GOLIM4: variants seen among roughly 807,000 people sequenced by gnomAD.
GOLIM4 encodes 130 kDa golgi-localized phosphoprotein.
GOLIM4 carries 71 observed loss-of-function variants against 107.4 expected under a neutral mutation model. That is an observed-to-expected ratio of 0.66 (90% confidence interval 0.55 to 0.81). The LOEUF is 0.81. Ranked by LOEUF, GOLIM4 falls within the 30% of genes least tolerant of loss-of-function variation. The pLI is 0.00. For missense variants in GOLIM4, 830 were observed against 826.1 expected (o/e 1.00, Z -0.06); for synonymous variants, 327 against 294.8 (o/e 1.11, Z -1.12).
Position 168,060,860 on chromosome 3 carries a change from G to A in GOLIM4, c.188-12495C>T, listed in dbSNP as rs147377633. On this transcript the variant is annotated intron_variant, in intron 1 of 15. Transcript: ENST00000470487. ...TGTTTAGCATAGGATTGATGGAAAGGTGGATAATAACAGCAGGGAAGAATG... is the reference window on the plus strand; with the variant it reads ...TGTTTAGCATAGGATTGATGGAAAGATGGATAATAACAGCAGGGAAGAATG... 1.3e-3 allele frequency among the ~76,000 whole-genome samples: 203 copies of A among 152,224 alleles called. 2 individuals are homozygous for A. The highest frequency in any genetic ancestry group is 4.8e-3 in the African/African-American group (200 of 41,528).
intron 1 of GOLIM4, among the ~76,000 whole-genome samples, chr3:168,065,764 G>A (rs1720515921): frequency 6.6e-6 from 1 of 152,196 alleles, no homozygotes; most frequent in South Asian, 2.1e-4. Flanking sequence ...GGACTCAGCA[G>A]AGCTCTGCAT....
intron 14 of GOLIM4, among the ~76,000 whole-genome samples, chr3:168,020,232 TGTGTGGTTGGG>T (rs1560069725): frequency 6.6e-6 from 1 of 152,204 alleles, no homozygotes; most frequent in African/African-American, 2.4e-5. Context: ...CCTGTATGTA[TGTGTGGTTGGG>T]GAGTCATGGA....
intron 1 of GOLIM4, among the ~76,000 whole-genome samples, chr3:168,049,026 C>T (rs1435040735): frequency 6.6e-6 from 1 of 152,210 alleles, no homozygotes; most frequent in Non-Finnish European, 1.5e-5. Flanking sequence ...TCACCATCAG[C>T]CACAGCCAGA....
chr3:168,075,425 T>C (rs1293599024), intron 1 of GOLIM4, among the ~76,000 whole-genome samples: 2 of 148,750 alleles, frequency 1.3e-5, no homozygotes, highest in African/African-American at 2.5e-5. Context: ...GCCTCCCAAG[T>C]AGCTGGGACT....
rs758053077 is a variant in GOLIM4, at chr3:168,010,273, A to G, written c.2087T>C (p.Met696Thr). 5.0e-6 allele frequency: 8 copies of G among 1,610,868 alleles called. No homozygotes were observed. Among genetic ancestry groups the G allele is most frequent in the Non-Finnish European group, 6.8e-6 (8 of 1,178,948 alleles). ...TTGTCTAGAAATTGGGTGCCGCTAC[A>G]TTTCAGCTCTTCGATGTGATTTCTC... ...VAEKSHRRAE[M>T] Residue 696 changes from methionine to threonine, a missense_variant, in exon 16 of 16, where the codon ATG becomes ACG. By Grantham distance (81) the Met-to-Thr change is moderately conservative. Coordinates refer to ENST00000470487, the MANE Select transcript of GOLIM4 (RefSeq NM_014498.5).
chr3:168,052,096 T>G (rs1719680759), intron 1 of GOLIM4, among the ~76,000 whole-genome samples: 1 of 152,186 alleles, frequency 6.6e-6, no homozygotes, highest in Admixed American at 6.5e-5. Flanking sequence ...CTGCTGAACT[T>G]CTGTGAACTT....
intron 11 of GOLIM4, among the ~76,000 whole-genome samples, chr3:168,028,430 A>G (rs73174979): frequency 0.06 from 9,122 of 152,278 alleles, 286 homozygotes; most frequent in Non-Finnish European, 0.07. Context: ...ACAAAAAGAG[A>G]AGAACAAATC....
At chr3:168,026,259 C>T (rs1717991390) in intron 12 of GOLIM4, among the ~76,000 whole-genome samples, 1 of 151,522 alleles carries the variant, frequency 6.6e-6, no homozygotes, top group Admixed American at 6.6e-5. Context: ...AATCTCTTGT[C>T]ATATGGATTT....
At chr3:168,078,593 A>C (rs17727923) in intron 1 of GOLIM4, among the ~76,000 whole-genome samples, 4,903 of 152,162 alleles carry the variant, frequency 0.032, 113 homozygotes, top group Non-Finnish European at 0.047. Flanking sequence ...TATTCCTCTC[A>C]ACTGCTCAGT....
intron 1 of GOLIM4, among the ~76,000 whole-genome samples, chr3:168,058,687 A>G (rs958183617): frequency 1.2e-4 from 19 of 152,236 alleles, no homozygotes; most frequent in African/African-American, 4.3e-4. Flanking sequence ...CTGCTGAGTC[A>G]GCAGATTCTT....
intron 14 of GOLIM4, among the ~76,000 whole-genome samples, chr3:168,019,731 G>T (rs927807986): frequency 6.6e-5 from 10 of 152,164 alleles, no homozygotes; most frequent in African/African-American, 2.4e-4. Context: ...TAAAAATAAG[G>T]GTATTTCAGA....
intron 1 of GOLIM4, among the ~76,000 whole-genome samples, chr3:168,076,093 G>T (rs1261156076): frequency 6.6e-6 from 1 of 152,154 alleles, no homozygotes; most frequent in Non-Finnish European, 1.5e-5. Context: ...AAAACAGAGA[G>T]ACGACATCTG....
rs1716934164 is a variant in GOLIM4, at chr3:168,010,432, G to GA, written c.1942-15dup. 2 of 1,523,534 alleles carry GA rather than the reference G, an allele frequency of 1.3e-6. No individual in the cohort carries two copies. Among genetic ancestry groups the GA allele is most frequent in the Non-Finnish European group, 1.8e-6 (2 of 1,111,752 alleles). The allele number at this position is 1,523,534 out of a possible 1,614,324, so 94.4% of individuals were successfully genotyped here. A position where few individuals can be genotyped will look rare whatever the true frequency, so the allele number is the denominator to read the frequency against. ...TTTATCATCAGTCTTAAAATTAAAA[G>GA]AAAAAAGAAAAACTAAGAGATAGTA... On this transcript the variant is annotated splice_polypyrimidine_tract_variant and intron_variant, in intron 15 of 15. Coordinates refer to ENST00000470487, the MANE Select transcript of GOLIM4 (RefSeq NM_014498.5).
At chr3:168,013,716 G>A (rs1163072251) in intron 14 of GOLIM4, among the ~76,000 whole-genome samples, 4 of 151,612 alleles carry the variant, frequency 2.6e-5, no homozygotes, top group South Asian at 4.2e-4. Flanking sequence ...AATCAAACTA[G>A]AACTCAGGAT....
chr3:168,023,857 C>T (rs1461493156), intron 14 of GOLIM4, among the ~76,000 whole-genome samples: 2 of 152,166 alleles, frequency 1.3e-5, no homozygotes, highest in Non-Finnish European at 2.9e-5. Flanking sequence ...TAATCAACTA[C>T]ACCGTAAGCA....
At chr3:168,058,496 AG>A (rs1720097248) in intron 1 of GOLIM4, among the ~76,000 whole-genome samples, 1 of 152,208 alleles carries the variant, frequency 6.6e-6, no homozygotes, top group Non-Finnish European at 1.5e-5. Flanking sequence ...AGCTGCCCTG[AG>A]CTATTATGTT....
At chr3:168,011,619 A>T (rs1717039031) in intron 14 of GOLIM4, among the ~76,000 whole-genome samples, 1 of 151,756 alleles carries the variant, frequency 6.6e-6, no homozygotes. Flanking sequence ...AGACAGCAGT[A>T]ACCTCTGCAG....
At chr3:168,017,695 C>T (rs1016227054) in intron 14 of GOLIM4, among the ~76,000 whole-genome samples, 17 of 152,266 alleles carry the variant, frequency 1.1e-4, no homozygotes, top group African/African-American at 4.1e-4. Context: ...TGCCTACATA[C>T]AATATAGTAG....
Position 168,010,793 on chromosome 3 carries a change from T to A in GOLIM4, c.1891A>T (p.Arg631Trp). The A allele has an allele frequency of 6.2e-7, 1 of 1,608,870 alleles. No individual in the cohort carries two copies. Among genetic ancestry groups the A allele is most frequent in the Non-Finnish European group, 8.5e-7 (1 of 1,175,930 alleles). ...TCTTCAGCATTATGCTCCAGTTCCC[T>A]TTTTTTCTCTTCAGTCAAATCTTCC... Reference protein sequence around the residue: ...VQEDLTEEKKRELEHNAEETY... With the variant: ...VQEDLTEEKKWELEHNAEETY... Residue 631 changes from arginine (R) to tryptophan (W), a missense_variant, in exon 15 of 16, where the codon AGG (arginine) becomes TGG (tryptophan). Arg to Trp is a moderately radical substitution (Grantham distance 101). Transcript: ENST00000470487.
Sources: allele counts gnomAD v4.1 joint callset (sites outside exome capture counted in the v4.1 genomes callset), GRCh38; gene constraint gnomAD v4.1.1; transcripts MANE v1.5; gene names NCBI Gene and HGNC (gene_info 2026-07-23, HGNC 2026-07-21).